RBPMS: variants seen among roughly 807,000 people sequenced by gnomAD.
RBPMS encodes the protein RNA binding protein, mRNA processing factor.
A neutral mutation model predicts 26.8 loss-of-function variants in RBPMS; 7 were observed. The ratio of observed to expected loss-of-function variants is 0.26; its 90% CI spans 0.15 to 0.49. The LOEUF (loss-of-function observed/expected upper bound fraction) is 0.49, where lower values mean the gene tolerates loss of function less well. Among genes scored for constraint, RBPMS ranks in the 20% least tolerant of loss-of-function variants. RBPMS has a pLI of 0.98. For synonymous variants in RBPMS, 96 were observed against 93.3 expected, an observed-to-expected ratio of 1.03 and a Z score of -0.17; for missense variants, 186 against 250.0, an observed-to-expected ratio of 0.74 and a Z score of 1.73.
intron 5 of RBPMS, among the ~76,000 whole-genome samples, chr8:30,539,177 T>C (rs994965663): frequency 6.6e-6 from 1 of 152,242 alleles, no homozygotes; most frequent in Non-Finnish European, 1.5e-5. Context: ...TGTTTGGATT[T>C]TCTGTGTCAT....
At chr8:30,475,964 T>C (rs898104057) in intron 2 of RBPMS, among the ~76,000 whole-genome samples, 20 of 152,188 alleles carry the variant, frequency 1.3e-4, no homozygotes, top group African/African-American at 4.1e-4. Flanking sequence ...CCACCTTTTA[T>C]AGAATTTCCT....
chr8:30,496,400 C>T (rs1258552848), intron 4 of RBPMS, among the ~76,000 whole-genome samples: 1 of 152,098 alleles, frequency 6.6e-6, no homozygotes, highest in African/African-American at 2.4e-5. Flanking sequence ...GATCTCCCAA[C>T]CTCGTGATCT....
At chr8:30,504,127 T>G (rs2150933687) in intron 4 of RBPMS, among the ~76,000 whole-genome samples, 159 bp from the exon 5 acceptor site, 1 of 152,356 alleles carries the variant, frequency 6.6e-6, no homozygotes, top group Middle Eastern at 3.4e-3. Flanking sequence ...CACTTTGTGT[T>G]GTCATTTTTC....
chr8:30,528,282 G>A (rs116837034), intron 5 of RBPMS, among the ~76,000 whole-genome samples: 1,715 of 152,248 alleles, frequency 0.011, 40 homozygotes, highest in African/African-American at 0.038. Context: ...AGGTGCTCAA[G>A]CAGTCTCTGC....
chr8:30,463,271 T>C (rs375394163), intron 1 of RBPMS, among the ~76,000 whole-genome samples: 1 of 152,228 alleles, frequency 6.6e-6, no homozygotes, highest in African/African-American at 2.4e-5. Context: ...ATTTACCAGC[T>C]TAACAGTTAT....
intron 4 of RBPMS, among the ~76,000 whole-genome samples, chr8:30,482,978 C>T (rs564805668): frequency 3.0e-4 from 46 of 152,188 alleles, no homozygotes; most frequent in African/African-American, 9.4e-4. Context: ...AATTTTTAAA[C>T]GGGACACAGG....
At chr8:30,564,188 T>G (rs576206449) in intron 7 of RBPMS, 2 of 152,256 alleles carry the variant, frequency 1.3e-5, no homozygotes, top group South Asian at 4.1e-4. Flanking sequence ...GACCTAGAAC[T>G]TCACCAGCTT....
intron 8 of RBPMS, among the ~76,000 whole-genome samples, chr8:30,570,281 G>A (rs1256351776): frequency 6.6e-6 from 1 of 152,196 alleles, no homozygotes; most frequent in Admixed American, 6.5e-5. Context: ...AGTGTATGCT[G>A]AGCTGATTGA....
intron 1 of RBPMS, among the ~76,000 whole-genome samples, chr8:30,434,456 C>A (rs969963853): frequency 2.6e-5 from 4 of 152,042 alleles, no homozygotes; most frequent in Non-Finnish European, 5.9e-5. Flanking sequence ...TTAATCCCAG[C>A]ACTTTGGGAG....
At chr8:30,492,513 T>C (rs1454568343) in intron 4 of RBPMS, among the ~76,000 whole-genome samples, 1 of 152,216 alleles carries the variant, frequency 6.6e-6, no homozygotes, top group Non-Finnish European at 1.5e-5. Context: ...ATCTGCTAAT[T>C]GGATATGAAA....
At chr8:30,529,071 T>G (rs1023504288) in intron 5 of RBPMS, among the ~76,000 whole-genome samples, 5 of 151,786 alleles carry the variant, frequency 3.3e-5, no homozygotes, top group Admixed American at 2.6e-4. Context: ...AAATTAAAAA[T>G]TAGCCAAGTG....
chr8:30,505,693 A>C, intron 5 of RBPMS, among the ~76,000 whole-genome samples: 1 of 152,154 alleles, frequency 6.6e-6, no homozygotes, highest in East Asian at 1.9e-4. Context: ...TCTTTTACAT[A>C]ATTCTTCATC....
intron 1 of RBPMS, among the ~76,000 whole-genome samples, chr8:30,390,391 CCTGTTCTGATGCTCTT>C (rs1216487237): frequency 2.0e-5 from 3 of 152,188 alleles, no homozygotes; most frequent in Admixed American, 2.0e-4. Context: ...CAGCTGCTCT[CCTGTTCTGATGCTCTT>C]CTGGAGTCCA....
chr8:30,544,604 C>G lies in RBPMS; in HGVS notation c.508C>G (p.Pro170Ala), dbSNP rs1179271209. The G allele has an allele frequency of 6.2e-7, 1 of 1,614,166 alleles. No individual in the cohort carries two copies. Among genetic ancestry groups the G allele is most frequent in the Middle Eastern group, 1.6e-4 (1 of 6,062 alleles). The change falls in exon 6 of 9, where the codon CCC becomes GCC. Residue 170 changes from proline (P) to alanine (A), a missense_variant. By Grantham distance (27) the Pro-to-Ala change is conservative. Transcript: ENST00000397323. Reference sequence around the variant, plus strand: ...TCTACCTCCTCCTGCTTTCACCTATCCCGCTTCACTGCATGCCCAGGTAAT... The same window carrying G: ...TCTACCTCCTCCTGCTTTCACCTATGCCGCTTCACTGCATGCCCAGGTAAT... ...PALPPPAFTY[P>A]ASLHAQMRWL...
chr8:30,384,859 C>G lies in RBPMS; in HGVS notation c.-234C>G, dbSNP rs899471904. The stretch of plus-strand genomic sequence containing the variant: ...CCCGCTCCCGGCCCGCGCCCTGCCC[C>G]GTCTCTCCCTTGCACTTCCTGAGTC... On this transcript the variant is annotated 5_prime_UTR_variant, in exon 1 of 9. Coordinates refer to ENST00000397323, the MANE Select transcript of RBPMS (RefSeq NM_001008710.3). The surrounding 1 kb of genome is among the most constrained non-coding windows in gnomAD (Gnocchi z 5.6). The G allele has an allele frequency of 1.1e-4, 37 of 338,250 alleles. No homozygotes were observed. Among genetic ancestry groups the G allele is most frequent in the Non-Finnish European group, 1.8e-4 (34 of 189,144 alleles). 21.0% of individuals were successfully genotyped at this position (338,250 alleles called of 1,614,324 possible). A position where few individuals can be genotyped will look rare whatever the true frequency, so the allele number is the denominator to read the frequency against.
intron 5 of RBPMS, among the ~76,000 whole-genome samples, chr8:30,527,872 C>A (rs1823756180): frequency 6.6e-6 from 1 of 152,118 alleles, no homozygotes; most frequent in African/African-American, 2.4e-5. Flanking sequence ...GTTATAATAT[C>A]CTTAAAGATA....
intron 5 of RBPMS, chr8:30,537,780 T>C: frequency 2.6e-6 from 1 of 381,998 alleles, no homozygotes; most frequent in East Asian, 7.3e-5. Context: ...CAGAATGTGG[T>C]CAGTAAACAC....
intron 1 of RBPMS, among the ~76,000 whole-genome samples, chr8:30,473,298 T>C (rs1817338848): frequency 6.6e-6 from 1 of 152,238 alleles, no homozygotes; most frequent in Non-Finnish European, 1.5e-5. Context: ...ATCTTTTGGC[T>C]CTATTTGGTA....
At chr8:30,440,510 G>T (rs1484733792) in intron 1 of RBPMS, among the ~76,000 whole-genome samples, 1 of 152,168 alleles carries the variant, frequency 6.6e-6, no homozygotes, top group Non-Finnish European at 1.5e-5. Flanking sequence ...GTCGTAGCGT[G>T]TGCCAGAATT....
Sources: allele counts gnomAD v4.1 joint callset (sites outside exome capture counted in the v4.1 genomes callset), GRCh38; gene constraint gnomAD v4.1.1; non-coding constraint Gnocchi (gnomAD v3.1); transcripts MANE v1.5; gene names NCBI Gene and HGNC (gene_info 2026-07-23, HGNC 2026-07-21).